The following GFI1B variants were observed in gnomAD, a reference collection of about 807,000 sequenced individuals.
GFI1B encodes growth factor independent 1B transcriptional repressor.
In GFI1B, 20 loss-of-function variants were observed where a neutral mutation model predicts 35.3. The observed-to-expected ratio is 0.57, with a 90% CI of 0.40 to 0.82. GFI1B has a LOEUF of 0.82. Ranked by LOEUF, GFI1B falls within the 40% of genes least tolerant of loss-of-function variation. GFI1B has a pLI of 0.00. For synonymous variants in GFI1B, 178 were observed against 177.6 expected, an observed-to-expected ratio of 1.00 and a Z score of -0.02; for missense variants, 430 against 446.3, an observed-to-expected ratio of 0.96 and a Z score of 0.33.
At position 132,991,050 on chromosome 9, in the gene GFI1B, A is replaced by G. The variant is rs769206886; in HGVS notation, c.993A>G (p.Ter331TrpextTer50). The G allele has an allele frequency of 6.2e-7, 1 of 1,612,942 alleles. No homozygotes were observed. Among genetic ancestry groups the G allele is most frequent in the South Asian group, 1.1e-5 (1 of 91,082 alleles). ...GCGAGAGCCAGCACAATCTCAAGTG[A>G]GGCTGCGCCGGCTCCCAGCTCCTGG... ...RHRESQHNLK* is the reference protein window; with the variant it reads ...RHRESQHNLKW Residue 331 changes from the stop codon to tryptophan (W), a stop_lost, in exon 7 of 7, where the codon TGA (stop) becomes TGG (tryptophan). Transcript: ENST00000372122.
At chr9:132,986,941 T>G (rs1849090175) in intron 2 of GFI1B, among the ~76,000 whole-genome samples, 163 bp downstream of exon 2, 1 of 152,136 alleles carries the variant, frequency 6.6e-6, no homozygotes. Flanking sequence ...GACAAATGAG[T>G]GATGCCCTCA....
intron 1 of GFI1B, among the ~76,000 whole-genome samples, chr9:132,972,144 A>G (rs1848542173): frequency 6.6e-6 from 1 of 151,910 alleles, no homozygotes; most frequent in Admixed American, 6.6e-5. Context: ...CCAGGTGGCC[A>G]GGAGTAGTGG....
upstream of GFI1B, chr9:132,975,046 G>A (rs1055226363): frequency 2.6e-5 from 4 of 152,200 alleles, no homozygotes; most frequent in Non-Finnish European, 4.4e-5. Flanking sequence ...GATTGCTTGA[G>A]ACCAGGAGTT....
At chr9:132,957,954 G>T (rs1405179221) in intron 1 of GFI1B, among the ~76,000 whole-genome samples, 2 of 152,174 alleles carry the variant, frequency 1.3e-5, no homozygotes, top group African/African-American at 2.4e-5. Context: ...TATGCAGTAG[G>T]TGTAATTTTA....
upstream of GFI1B, among the ~76,000 whole-genome samples, chr9:132,973,875 A>C (rs144302382): frequency 6.6e-6 from 1 of 152,130 alleles, no homozygotes; most frequent in East Asian, 1.9e-4. Context: ...TTTTGGCGGG[A>C]AAGTCTGCCA....
chr9:132,976,858 C>G (rs1848645268), upstream of GFI1B, among the ~76,000 whole-genome samples: 1 of 152,176 alleles, frequency 6.6e-6, no homozygotes, highest in South Asian at 2.1e-4. Flanking sequence ...AGGAGGATCT[C>G]TTGAGCCAGG....
chr9:132,983,564 C>A (rs1448754512), intron 1 of GFI1B, among the ~76,000 whole-genome samples: 1 of 152,156 alleles, frequency 6.6e-6, no homozygotes, highest in African/African-American at 2.4e-5. Context: ...TCACCGGGTG[C>A]TGTGAGGACC....
At position 132,987,356 on chromosome 9, in the gene GFI1B, A is replaced by G; in HGVS notation, c.175A>G (p.Asn59Asp). The G allele has an allele frequency of 6.2e-7, 1 of 1,614,250 alleles. No homozygotes were observed. Residue 59 changes from asparagine (N) to aspartate (D), a missense_variant, in exon 3 of 7, where the codon AAC becomes GAC. Transcript: ENST00000372122. The part of the protein sequence containing the change: ...LFPNQCLDWT[N>D]LKREPELEQD... ...CCCAAACCAGTGCCTGGACTGGACC[A>G]ACCTCAAACGAGAGCCGGAGCTGGA...
At chr9:132,974,270 G>A (rs1210421251), upstream of GFI1B, among the ~76,000 whole-genome samples, 1 of 152,176 alleles carries the variant, frequency 6.6e-6, no homozygotes, top group East Asian at 1.9e-4. Context: ...GACATTCCTT[G>A]TGGGAAGTTA....
intron 1 of GFI1B, among the ~76,000 whole-genome samples, chr9:132,981,967 G>T (rs972824068): frequency 6.6e-6 from 1 of 152,174 alleles, no homozygotes; most frequent in Non-Finnish European, 1.5e-5. Context: ...TGGCCAGGCT[G>T]GTCTTGAACT....
chr9:132,988,887 C>T (rs1360893853), intron 4 of GFI1B, among the ~76,000 whole-genome samples, 174 bp from the exon 5 acceptor site: 1 of 152,092 alleles, frequency 6.6e-6, no homozygotes, highest in Non-Finnish European at 1.5e-5. Flanking sequence ...CACAGAGAGG[C>T]AAACGGACCT....
At chr9:132,967,717 CATG>C (rs1455820281) in intron 1 of GFI1B, among the ~76,000 whole-genome samples, 1 of 152,124 alleles carries the variant, frequency 6.6e-6, no homozygotes, top group Non-Finnish European at 1.5e-5. Context: ...GGTGAAGTGT[CATG>C]ATATCTATTA....
At chr9:132,967,433 C>G (rs185000877) in intron 1 of GFI1B, among the ~76,000 whole-genome samples, 1 of 151,894 alleles carries the variant, frequency 6.6e-6, no homozygotes, top group Non-Finnish European at 1.5e-5. Context: ...AAAATCATTA[C>G]GAAAAGAAAG....
chr9:132,969,175 C>T (rs772056631), intron 1 of GFI1B, among the ~76,000 whole-genome samples: 7 of 151,934 alleles, frequency 4.6e-5, no homozygotes, highest in Non-Finnish European at 7.4e-5. Context: ...ACTACAGGCG[C>T]GCACCACCAG....
chr9:132,973,288 C>G (rs1177306514), intron 2 of GFI1B, among the ~76,000 whole-genome samples: 1 of 152,248 alleles, frequency 6.6e-6, no homozygotes, highest in Non-Finnish European at 1.5e-5. Context: ...ATCCCACGAC[C>G]CCCGCACAGA....
chr9:132,984,699 G>A (rs1848969249), intron 1 of GFI1B, among the ~76,000 whole-genome samples: 3 of 152,210 alleles, frequency 2.0e-5, no homozygotes, highest in African/African-American at 4.8e-5. Flanking sequence ...TGGGATCCCC[G>A]TTTAGCAGAT....
In GFI1B at chr9:132,989,413, C is replaced by T. The variant is rs547253004; in HGVS notation, c.648+215C>T. On this transcript the variant is annotated intron_variant, in intron 5 of 6. Transcript: ENST00000372122. The surrounding 1 kb of genome is among the most constrained non-coding windows in gnomAD (Gnocchi z 6.2). ...ACTAAACCACCGTGCAGACCACAACCATCCCTGCCTCAAGGAACTCACTCT... is the reference window on the plus strand; with the variant it reads ...ACTAAACCACCGTGCAGACCACAACTATCCCTGCCTCAAGGAACTCACTCT... Among the ~76,000 whole-genome samples, 1 of 152,226 alleles carries T rather than the reference C, an allele frequency of 6.6e-6. No individual in the cohort carries two copies. Among genetic ancestry groups the T allele is most frequent in the South Asian group, 2.1e-4 (1 of 4,834 alleles).
chr9:132,980,336 G>A (rs1484347030), intron 1 of GFI1B, among the ~76,000 whole-genome samples: 1 of 152,172 alleles, frequency 6.6e-6, no homozygotes, highest in Non-Finnish European at 1.5e-5. Context: ...TTCACTGTCT[G>A]TGCCACAATA....
Position 132,991,354 on chromosome 9 carries a change from A to G in GFI1B, c.*304A>G. ...AGAAAGCTAGAATACCCCCAGGGAG[A>G]CAGGGATGCCAAGAGTAGACCAGAG... On this transcript the variant is annotated 3_prime_UTR_variant, in exon 7 of 7. Coordinates refer to ENST00000372122, the MANE Select transcript of GFI1B (RefSeq NM_001377304.1). 2.3e-6 allele frequency: 1 copy of G among 430,666 alleles called. No homozygotes were observed. The highest frequency in any genetic ancestry group is 4.3e-6 in the Non-Finnish European group (1 of 230,312). The allele number at this position is 430,666 out of a possible 1,614,324, so 26.7% of individuals were successfully genotyped here.
Sources: gnomAD v4.1 joint callset for allele counts (sites outside exome capture counted in the v4.1 genomes callset) on GRCh38, gnomAD v4.1.1 for gene constraint, Gnocchi (gnomAD v3.1) non-coding constraint, MANE v1.5 for transcripts, NCBI Gene and HGNC (gene_info 2026-07-23, HGNC 2026-07-21) for gene names.